Variants in TENM4 observed in about 807,000 individuals in gnomAD.
TENM4 encodes teneurin-4.
TENM4 carries 82 observed loss-of-function variants against 243.3 expected under a neutral mutation model. That is an observed-to-expected ratio of 0.34 (90% CI 0.28 to 0.40). The LOEUF (loss-of-function observed/expected upper bound fraction) is 0.40, where lower values mean the gene tolerates loss of function less well. Ranked by LOEUF, TENM4 falls within the 10% of genes least tolerant of loss-of-function variation. TENM4 has a pLI of 1.00. For missense variants in TENM4, 3,138 were observed against 3,673.3 expected, an observed-to-expected ratio of 0.85 and a Z score of 3.77; for synonymous variants, 1,412 against 1,456.3, an observed-to-expected ratio of 0.97 and a Z score of 0.69.
intron 6 of TENM4, among the ~76,000 whole-genome samples, chr11:79,017,846 G>C (rs751645168): frequency 6.6e-6 from 1 of 152,148 alleles, no homozygotes. Context: ...GCTCAGAAGG[G>C]CCTCATCCTT....
At chr11:78,787,217 G>T in intron 15 of TENM4, 134 bp from the exon 16 acceptor site, 2 of 1,058,698 alleles carry the variant, frequency 1.9e-6, no homozygotes, top group South Asian at 1.7e-5. Context: ...AGTCACACTT[G>T]GCTACATACC....
At chr11:78,743,162 T>C (rs995538892) in intron 19 of TENM4, among the ~76,000 whole-genome samples, 1 of 152,216 alleles carries the variant, frequency 6.6e-6, no homozygotes, top group Non-Finnish European at 1.5e-5. Context: ...ACTAAATTGT[T>C]CCCTCTATCT....
chr11:78,696,346 C>T (rs1858961273), intron 28 of TENM4, among the ~76,000 whole-genome samples: 3 of 152,144 alleles, frequency 2.0e-5, no homozygotes, highest in Admixed American at 2.0e-4. Flanking sequence ...AATTCTCTGA[C>T]AGATAGTTTC....
intron 1 of TENM4, among the ~76,000 whole-genome samples, chr11:79,405,122 T>C (rs560517814): frequency 1.3e-5 from 2 of 152,310 alleles, no homozygotes; most frequent in East Asian, 1.9e-4. Flanking sequence ...TAAATTGTTA[T>C]GCCTTTCAAA....
At chr11:79,192,104 GC>G (rs951387336) in intron 3 of TENM4, among the ~76,000 whole-genome samples, 10 of 148,478 alleles carry the variant, frequency 6.7e-5, no homozygotes, top group Admixed American at 5.3e-4. Flanking sequence ...GGGGGGGTCA[GC>G]CCCCCGCCCG....
At chr11:78,849,565 T>C (rs992399579) in intron 12 of TENM4, among the ~76,000 whole-genome samples, 2 of 152,124 alleles carry the variant, frequency 1.3e-5, no homozygotes, top group African/African-American at 2.4e-5. Context: ...CAACACACAA[T>C]AGGTGTTCTG....
intron 3 of TENM4, among the ~76,000 whole-genome samples, chr11:79,175,144 G>C (rs1009063015): frequency 6.6e-6 from 1 of 152,192 alleles, no homozygotes; most frequent in Admixed American, 6.5e-5. Flanking sequence ...GTCAAACCTG[G>C]TGTTAACTAG....
At chr11:78,710,492 C>A (rs753695365) in intron 26 of TENM4, among the ~76,000 whole-genome samples, 4 of 152,202 alleles carry the variant, frequency 2.6e-5, no homozygotes, top group Non-Finnish European at 4.4e-5. Context: ...GGCTGGGAAG[C>A]CTTTCTCATG....
intron 6 of TENM4, among the ~76,000 whole-genome samples, chr11:79,014,020 A>C (rs984971429): frequency 1.3e-5 from 2 of 152,114 alleles, no homozygotes; most frequent in Non-Finnish European, 2.9e-5. Context: ...AAAGTCTATG[A>C]CATTCTTATT....
At chr11:79,298,361 A>G (rs1173952707) in intron 1 of TENM4, among the ~76,000 whole-genome samples, 1 of 151,438 alleles carries the variant, frequency 6.6e-6, no homozygotes, top group Non-Finnish European at 1.5e-5. Context: ...TAAAAATACA[A>G]AAAATTAGCC....
intron 4 of TENM4, among the ~76,000 whole-genome samples, chr11:79,095,711 C>A (rs1259680828): frequency 3.9e-5 from 6 of 152,194 alleles, no homozygotes; most frequent in African/African-American, 1.4e-4. Context: ...CAGTTCTTAG[C>A]CATTGTAGTA....
In TENM4 at chr11:79,008,401, T is replaced by A. The variant is rs563904830; in HGVS notation, c.493+56337A>T. Among the ~76,000 whole-genome samples the A allele has an allele frequency of 1.1e-4, 16 of 152,264 alleles. No individual in the cohort carries two copies. In the South Asian group the frequency reaches 3.3e-3, roughly 32 times the overall value. The stretch of plus-strand genomic sequence containing the variant: ...AGAAACATGTATTTTAAACATAGAA[T>A]AATAAAAATTTAGAAAAAAAGGAAA... On this transcript the variant is annotated intron_variant, in intron 6 of 33. Coordinates refer to ENST00000278550, the MANE Select transcript of TENM4 (RefSeq NM_001098816.3).
At chr11:79,423,508 A>G (rs1789512162) in intron 1 of TENM4, among the ~76,000 whole-genome samples, 1 of 150,680 alleles carries the variant, frequency 6.6e-6, no homozygotes, top group African/African-American at 2.4e-5. Context: ...TGTCTCGTTC[A>G]AGCCAGCTCT....
chr11:78,720,342 G>C, intron 25 of TENM4, 28 bp downstream of exon 25: 1 of 1,613,494 alleles, frequency 6.2e-7, no homozygotes, highest in Non-Finnish European at 8.5e-7. Context: ...CAGGGGTGAG[G>C]CAGGAAATTC....
At chr11:79,181,704 T>TAA (rs369480204) in intron 3 of TENM4, among the ~76,000 whole-genome samples, 1 of 138,652 alleles carries the variant, frequency 7.2e-6, no homozygotes, top group Non-Finnish European at 1.6e-5. Flanking sequence ...AAGAACTGAT[T>TAA]AAAAAAAAAA....
intron 1 of TENM4, among the ~76,000 whole-genome samples, chr11:79,352,151 AAT>A (rs1246929657): frequency 1.3e-5 from 2 of 152,212 alleles, no homozygotes; most frequent in African/African-American, 4.8e-5. Context: ...CTTGTTCCTG[AAT>A]ATCTCCAAAA....
At chr11:79,184,984 T>A (rs1863355740) in intron 3 of TENM4, among the ~76,000 whole-genome samples, 1 of 152,186 alleles carries the variant, frequency 6.6e-6, no homozygotes, top group Non-Finnish European at 1.5e-5. Context: ...AAACAAAAAG[T>A]ACATTTCTTT....
chr11:78,864,576 G>C (rs1858915929), intron 9 of TENM4, among the ~76,000 whole-genome samples: 1 of 152,072 alleles, frequency 6.6e-6, no homozygotes. Flanking sequence ...GCTTGAGAAG[G>C]CTGGGAAGTT....
At position 78,653,322 on chromosome 11, in the gene TENM4, C is replaced by A. The variant is rs376075593; in HGVS notation, c.*4736G>T. ...TCTTTATTTGTCAACGAAGGCTACACGGGATCACTTCTGGTTTTGTTTTTA... is the reference window on the plus strand; with the variant it reads ...TCTTTATTTGTCAACGAAGGCTACAAGGGATCACTTCTGGTTTTGTTTTTA... On this transcript the variant is annotated 3_prime_UTR_variant, in exon 34 of 34. Coordinates refer to ENST00000278550, the MANE Select transcript of TENM4 (RefSeq NM_001098816.3). 6.6e-6 allele frequency: 1 copy of A among 152,096 alleles called. No individual in the cohort carries two copies. The highest frequency in any genetic ancestry group is 1.9e-4 in the East Asian group (1 of 5,186). 9.4% of individuals were successfully genotyped at this position (152,096 alleles called of 1,614,324 possible). A position where few individuals can be genotyped will look rare whatever the true frequency, so the allele number is the denominator to read the frequency against.
Sources: allele counts gnomAD v4.1 joint callset (sites outside exome capture counted in the v4.1 genomes callset), GRCh38; gene constraint gnomAD v4.1.1; transcripts MANE v1.5; gene names NCBI Gene and HGNC (gene_info 2026-07-23, HGNC 2026-07-21).